Variants in OSBPL1A observed in about 807,000 individuals in gnomAD.
OSBPL1A encodes the protein oxysterol binding protein like 1A, also known as oxysterol-binding protein-related protein 1.
In OSBPL1A, 80 loss-of-function variants were observed where a neutral mutation model predicts 137.1. That is an observed-to-expected ratio of 0.58 (90% CI 0.49 to 0.70). The LOEUF is 0.70. Ranked by LOEUF, OSBPL1A falls within the 30% of genes least tolerant of loss-of-function variation. OSBPL1A has a pLI of 0.00. For synonymous variants in OSBPL1A, 365 were observed against 389.7 expected (o/e 0.94, Z 0.75); for missense variants, 970 against 1,129.4 (o/e 0.86, Z 2.02).
At chr18:24,272,167 C>T (rs1164898239) in intron 15 of OSBPL1A, 22 of 983,776 alleles carry the variant, frequency 2.2e-5, no homozygotes, top group Non-Finnish European at 7.2e-6. Context: ...GAGTGCCGCG[C>T]CGAGGCGCCT....
At chr18:24,277,981 C>T (rs1176744401) in intron 15 of OSBPL1A, among the ~76,000 whole-genome samples, 1 of 152,212 alleles carries the variant, frequency 6.6e-6, no homozygotes, top group Non-Finnish European at 1.5e-5. Flanking sequence ...AGTATGCTAA[C>T]ATACTCTATA....
rs201880387 is a variant in OSBPL1A, at chr18:24,256,964, C to CAAAAAAAAAAAAAAA, written c.1282-17597_1282-17583dup. Among the ~76,000 whole-genome samples, 7 of 29,516 alleles carry CAAAAAAAAAAAAAAA rather than the reference C, an allele frequency of 2.4e-4. 1 individual carries two copies. The highest frequency in any genetic ancestry group is 3.4e-4 in the Non-Finnish European group (5 of 14,698). The allele number at this position is 29,516 out of a possible 152,430, so 19.4% of individuals were successfully genotyped here. A position where few individuals can be genotyped will look rare whatever the true frequency, so the allele number is the denominator to read the frequency against. ...GCTGATGAAAGAACTGAAGAGGATG[C>CAAAAAAAAAAAAAAA]AAAAAAAAAAAAAAAAAAAAAAAAA... On this transcript the variant is annotated intron_variant, in intron 15 of 27. Transcript: ENST00000319481.
chr18:24,171,529 A>G (rs2086286874), intron 22 of OSBPL1A, 31 bp from the exon 23 acceptor site: 8 of 1,510,936 alleles, frequency 5.3e-6, no homozygotes, highest in Non-Finnish European at 7.3e-6. Context: ...TCAGATTATC[A>G]TTTATTAGCA....
At chr18:24,231,417 C>G (rs537000822) in intron 16 of OSBPL1A, among the ~76,000 whole-genome samples, 1 of 152,098 alleles carries the variant, frequency 6.6e-6, no homozygotes, top group African/African-American at 2.4e-5. Context: ...CTCAGCCTCC[C>G]TAGTAGCTGG....
rs138319851 is a variant in OSBPL1A at position 24,194,209 on chromosome 18, C to T, written c.1677+1916G>A. Among the ~76,000 whole-genome samples, 605 of 152,256 alleles carry T rather than the reference C, an allele frequency of 4.0e-3. 2 individuals are homozygous for T. Among genetic ancestry groups the T allele is most frequent in the African/African-American group, 0.013 (524 of 41,556 alleles). ...GAAATGTTCATACAAACTCCTTTGACCAAATAACCTTACAAAGATACAGTA... is the reference window on the plus strand; with the variant it reads ...GAAATGTTCATACAAACTCCTTTGATCAAATAACCTTACAAAGATACAGTA... On this transcript the variant is annotated intron_variant, in intron 18 of 27. Coordinates refer to ENST00000319481, the MANE Select transcript of OSBPL1A (RefSeq NM_080597.4).
At chr18:24,236,392 G>A (rs1417545722) in intron 16 of OSBPL1A, among the ~76,000 whole-genome samples, 2 of 152,098 alleles carry the variant, frequency 1.3e-5, no homozygotes. Context: ...GACAGAGGCT[G>A]GTGTGTAGAG....
chr18:24,379,350 A>G (rs1048930549), intron 1 of OSBPL1A, among the ~76,000 whole-genome samples: 1 of 151,878 alleles, frequency 6.6e-6, no homozygotes, highest in South Asian at 2.1e-4. Context: ...TGAAACCCCA[A>G]CTCTACTAAA....
chr18:24,328,499 C>T (rs1476887951), intron 7 of OSBPL1A, among the ~76,000 whole-genome samples: 2 of 152,092 alleles, frequency 1.3e-5, no homozygotes, highest in African/African-American at 4.8e-5. Context: ...CCTCCATGAA[C>T]CTGTATCTGT....
At chr18:24,345,055 T>G (rs1443156761) in intron 4 of OSBPL1A, among the ~76,000 whole-genome samples, 3 of 151,778 alleles carry the variant, frequency 2.0e-5, no homozygotes, top group Non-Finnish European at 4.4e-5. Flanking sequence ...TGAGCTCAAG[T>G]AATCTGCCCA....
intron 15 of OSBPL1A, among the ~76,000 whole-genome samples, chr18:24,269,366 C>G (rs2089659808): frequency 6.6e-6 from 1 of 152,196 alleles, no homozygotes. Flanking sequence ...CCATTCCGGT[C>G]TTAACGATTT....
chr18:24,219,828 TG>T (rs2087828230), intron 17 of OSBPL1A, among the ~76,000 whole-genome samples: 1 of 152,118 alleles, frequency 6.6e-6, no homozygotes, highest in Non-Finnish European at 1.5e-5. Flanking sequence ...CAACTCAACT[TG>T]GGTTTGTGAA....
intron 1 of OSBPL1A, among the ~76,000 whole-genome samples, chr18:24,390,886 G>T (rs1335221569): frequency 6.6e-6 from 1 of 151,720 alleles, no homozygotes; most frequent in Admixed American, 6.6e-5. Flanking sequence ...GATCACCTAA[G>T]GTCAGGAGCT....
chr18:24,310,708 A>T (rs1405956933), intron 13 of OSBPL1A, among the ~76,000 whole-genome samples: 1 of 144,764 alleles, frequency 6.9e-6, no homozygotes, highest in Non-Finnish European at 1.5e-5. Flanking sequence ...AAAACTTTTA[A>T]AATTATCATA....
intron 15 of OSBPL1A, among the ~76,000 whole-genome samples, chr18:24,250,925 G>C (rs1440073705): frequency 6.6e-6 from 1 of 152,200 alleles, no homozygotes; most frequent in Non-Finnish European, 1.5e-5. Flanking sequence ...ATAAGCTGAT[G>C]AAAGAGCCCT....
At chr18:24,202,248 G>A (rs1430442380) in intron 17 of OSBPL1A, among the ~76,000 whole-genome samples, 2 of 152,186 alleles carry the variant, frequency 1.3e-5, no homozygotes, top group Admixed American at 6.5e-5. Flanking sequence ...CTACACAGCT[G>A]TACAATTCTC....
At chr18:24,185,554 C>T (rs567690842) in intron 18 of OSBPL1A, among the ~76,000 whole-genome samples, 73 of 152,110 alleles carry the variant, frequency 4.8e-4, no homozygotes, top group African/African-American at 1.7e-3. Context: ...CTCCTGACCT[C>T]GTGATCCGCC....
chr18:24,322,440 T>A (rs1424834597), intron 7 of OSBPL1A, among the ~76,000 whole-genome samples: 2 of 151,912 alleles, frequency 1.3e-5, no homozygotes, highest in African/African-American at 2.4e-5. Flanking sequence ...GCTTTAAGAT[T>A]TATTTTGGAG....
intron 7 of OSBPL1A, among the ~76,000 whole-genome samples, chr18:24,322,794 C>G (rs2090889823): frequency 1.3e-5 from 2 of 152,014 alleles, no homozygotes; most frequent in South Asian, 4.1e-4. Context: ...TCTAAAATGC[C>G]TGGCACACAG....
chr18:24,228,501 A>G (rs189477277), intron 16 of OSBPL1A, among the ~76,000 whole-genome samples: 43 of 152,068 alleles, frequency 2.8e-4, no homozygotes, highest in Admixed American at 9.8e-4. Flanking sequence ...TCCCTTCCTC[A>G]TATCTTGCAA....
Sources: allele counts gnomAD v4.1 joint callset (sites outside exome capture counted in the v4.1 genomes callset), GRCh38; gene constraint gnomAD v4.1.1; transcripts MANE v1.5; gene names NCBI Gene and HGNC (gene_info 2026-07-23, HGNC 2026-07-21).